Variants in DRC11 observed in about 807,000 individuals in gnomAD.
DRC11 encodes the protein dynein regulatory complex subunit 11.
At chr2:236,392,686 C>T in the DRC11 span, among the ~76,000 whole-genome samples, 12 of 152,150 alleles carry the variant, frequency 7.9e-5, no homozygotes, top group Admixed American at 2.0e-4. This position sits in a 1 kb window ranked among gnomAD's most constrained non-coding sequence, Gnocchi z 5.1. Context: ...TGGGATTATA[C>T]AATCACAGAT....
the DRC11 span, among the ~76,000 whole-genome samples, chr2:236,466,773 C>T: frequency 1.3e-5 from 2 of 152,194 alleles, no homozygotes; most frequent in African/African-American, 4.8e-5. Context: ...TAGGCTCCAC[C>T]TCCAACACTG....
the DRC11 span, among the ~76,000 whole-genome samples, chr2:236,361,242 G>C: frequency 2.6e-5 from 4 of 152,174 alleles, no homozygotes; most frequent in South Asian, 8.3e-4. The surrounding 1 kb of genome is among the most constrained non-coding windows in gnomAD (Gnocchi z 5.7). Context: ...AAGAAGATCA[G>C]AAATAAAAAA....
At chr2:236,421,071 AT>A in the DRC11 span, among the ~76,000 whole-genome samples, 14 of 152,190 alleles carry the variant, frequency 9.2e-5, no homozygotes, top group East Asian at 2.3e-3. Flanking sequence ...TTCTGCCTTC[AT>A]TTTGTTATGT....
the DRC11 span, chr2:236,493,806 G>T: frequency 6.2e-7 from 1 of 1,607,248 alleles, no homozygotes; most frequent in Non-Finnish European, 8.5e-7. Flanking sequence ...GCTAATATTT[G>T]AGCAAGAATT....
the DRC11 span, among the ~76,000 whole-genome samples, chr2:236,379,953 G>A: frequency 6.6e-6 from 1 of 152,246 alleles, no homozygotes; most frequent in African/African-American, 2.4e-5. Flanking sequence ...TAAGACCTAT[G>A]GGAAGAAAAA....
At chr2:236,409,121 T>A in the DRC11 span, 1 of 389,152 alleles carries the variant, frequency 2.6e-6, no homozygotes, top group Non-Finnish European at 4.7e-6. Flanking sequence ...TTTTTTCTTT[T>A]TTTGAGACAG....
the DRC11 span, chr2:236,380,751 G>T: frequency 1.1e-5 from 8 of 748,080 alleles, no homozygotes; most frequent in African/African-American, 1.0e-4. The surrounding 1 kb of genome is among the most constrained non-coding windows in gnomAD (Gnocchi z 4.9). Flanking sequence ...AAAGTTAATT[G>T]TGGTGGCGTG....
At chr2:236,353,509 G>C in the DRC11 span, among the ~76,000 whole-genome samples, 5 of 152,242 alleles carry the variant, frequency 3.3e-5, no homozygotes, top group African/African-American at 1.2e-4. This position sits in a 1 kb window ranked among gnomAD's most constrained non-coding sequence, Gnocchi z 5.0. Context: ...GGGTTATGAA[G>C]ATGCTCTGCC....
the DRC11 span, among the ~76,000 whole-genome samples, chr2:236,335,202 G>A: frequency 6.6e-6 from 1 of 152,166 alleles, no homozygotes; most frequent in African/African-American, 2.4e-5. The surrounding 1 kb of genome is among the most constrained non-coding windows in gnomAD (Gnocchi z 5.6). Context: ...TCTATGTTAC[G>A]GATTGGCAGC....
chr2:236,347,430 C>T, the DRC11 span, among the ~76,000 whole-genome samples: 2 of 151,254 alleles, frequency 1.3e-5, no homozygotes, highest in Non-Finnish European at 2.9e-5. Flanking sequence ...TTATACTTTG[C>T]ACATGCAGCA....
the DRC11 span, among the ~76,000 whole-genome samples, chr2:236,456,244 C>T: frequency 1.3e-5 from 2 of 152,126 alleles, no homozygotes; most frequent in Non-Finnish European, 2.9e-5. The surrounding 1 kb of genome is among the most constrained non-coding windows in gnomAD (Gnocchi z 5.4). Flanking sequence ...ATTACTCTAC[C>T]TATGAGGTAG....
At chr2:236,447,590 G>A in the DRC11 span, among the ~76,000 whole-genome samples, 38 of 152,278 alleles carry the variant, frequency 2.5e-4, no homozygotes, top group African/African-American at 7.9e-4. This position sits in a 1 kb window ranked among gnomAD's most constrained non-coding sequence, Gnocchi z 4.6. Context: ...CTAATGGTTC[G>A]GAAATACCTG....
At chr2:236,399,546 A>G in the DRC11 span, 1 of 1,378,320 alleles carries the variant, frequency 7.3e-7, no homozygotes, top group East Asian at 2.3e-5. This position sits in a 1 kb window ranked among gnomAD's most constrained non-coding sequence, Gnocchi z 7.0. Context: ...CAAAAGACGC[A>G]GACGCTGTGA....
the DRC11 span, among the ~76,000 whole-genome samples, chr2:236,445,526 G>A: frequency 6.6e-6 from 1 of 151,136 alleles, no homozygotes; most frequent in Non-Finnish European, 1.5e-5. The surrounding 1 kb of genome is among the most constrained non-coding windows in gnomAD (Gnocchi z 4.8). Context: ...TTTTTGTAGA[G>A]ATAGGGCTTC....
the DRC11 span, among the ~76,000 whole-genome samples, chr2:236,447,386 C>T: frequency 1.3e-5 from 2 of 151,570 alleles, no homozygotes; most frequent in Admixed American, 6.6e-5. This position sits in a 1 kb window ranked among gnomAD's most constrained non-coding sequence, Gnocchi z 4.6. Flanking sequence ...TGGGAGCTGG[C>T]GAGGAGAGAG....
the DRC11 span, among the ~76,000 whole-genome samples, chr2:236,349,634 A>C: frequency 6.6e-6 from 1 of 152,242 alleles, no homozygotes; most frequent in African/African-American, 2.4e-5. The surrounding 1 kb of genome is among the most constrained non-coding windows in gnomAD (Gnocchi z 5.5). Flanking sequence ...GAGAAAATCA[A>C]ATACCACTTA....
the DRC11 span, among the ~76,000 whole-genome samples, chr2:236,484,704 C>T: frequency 6.6e-6 from 1 of 151,676 alleles, no homozygotes; most frequent in Admixed American, 6.6e-5. Context: ...GGCAATGAAA[C>T]CCTCAGTAGC....
the DRC11 span, among the ~76,000 whole-genome samples, chr2:236,312,117 C>G: frequency 0.011 from 1,726 of 152,244 alleles, 31 homozygotes; most frequent in African/African-American, 0.039. Flanking sequence ...TCCTAAGATT[C>G]CAGATGTGCT....
At chr2:236,415,730 T>C in the DRC11 span, among the ~76,000 whole-genome samples, 1 of 152,216 alleles carries the variant, frequency 6.6e-6, no homozygotes, top group Non-Finnish European at 1.5e-5. The surrounding 1 kb of genome is among the most constrained non-coding windows in gnomAD (Gnocchi z 5.7). Context: ...AGTGACTCTT[T>C]AATAGCTAGT....
Sources: gnomAD v4.1 joint callset for allele counts (sites outside exome capture counted in the v4.1 genomes callset) on GRCh38, gnomAD v4.1.1 for gene constraint, Gnocchi (gnomAD v3.1) non-coding constraint, MANE v1.5 for transcripts, NCBI Gene and HGNC (gene_info 2026-07-23, HGNC 2026-07-21) for gene names.